Variants in OGDHL observed in about 807,000 individuals in gnomAD.
OGDHL encodes 2-oxoglutarate dehydrogenase-like, mitochondrial.
In OGDHL, 79 loss-of-function variants were observed where a neutral mutation model predicts 109.6. The ratio of observed to expected loss-of-function variants is 0.72; its 90% confidence interval spans 0.60 to 0.87. The LOEUF (loss-of-function observed/expected upper bound fraction) is 0.87, where lower values mean the gene tolerates loss of function less well. OGDHL is among the 40% of genes least tolerant of loss of function. OGDHL has a pLI of 0.00. For synonymous variants in OGDHL, 528 were observed against 537.2 expected (o/e 0.98, Z 0.24); for missense variants, 1,275 against 1,362.2 (o/e 0.94, Z 1.01).
intron 3 of OGDHL, among the ~76,000 whole-genome samples, chr10:49,753,229 G>A (rs572120442): frequency 6.6e-6 from 1 of 152,072 alleles, no homozygotes; most frequent in East Asian, 1.9e-4. Flanking sequence ...ATAAAAAGGA[G>A]ACACAAATAA....
chr10:49,746,965 A>C, intron 9 of OGDHL, 64 bp downstream of exon 9: 1 of 1,607,758 alleles, frequency 6.2e-7, no homozygotes, highest in Non-Finnish European at 8.5e-7. Flanking sequence ...CCCAGGGTCC[A>C]GCCCAGCCCT....
chr10:49,749,781 T>C lies in OGDHL; in HGVS notation c.932A>G (p.Lys311Arg). 1 of 1,601,300 alleles carries C rather than the reference T, an allele frequency of 6.2e-7. No individual in the cohort carries two copies. Among genetic ancestry groups the C allele is most frequent in the Non-Finnish European group, 8.5e-7 (1 of 1,177,146 alleles). Residue 311 changes from lysine to arginine, a missense_variant, in exon 8 of 23, where the codon AAG becomes AGG. Physicochemically the swap from Lys to Arg is conservative, Grantham distance 26 (BLOSUM62 2). Transcript: ENST00000374103. ...RLNVLANVIRKDLEQIFCQFD... is the reference protein window; with the variant it reads ...RLNVLANVIRRDLEQIFCQFD... ...CTGGCAGAAGATCTGCTCCAGGTCC[T>C]TGCGGATCACGTTGGCCAGCACGTT... is the stretch of plus-strand genomic sequence containing the variant.
chr10:49,760,640 G>A (rs1032746159), intron 1 of OGDHL, among the ~76,000 whole-genome samples: 1 of 152,234 alleles, frequency 6.6e-6, no homozygotes, highest in African/African-American at 2.4e-5. Context: ...CTGATTCTAG[G>A]ACAGATACTG....
At chr10:49,758,295 C>A (rs1588809738) in intron 2 of OGDHL, 94 bp downstream of exon 2, 8 of 1,265,690 alleles carry the variant, frequency 6.3e-6, no homozygotes, top group East Asian at 2.3e-5. Flanking sequence ...GATCACACAG[C>A]AGGCAAGCTG....
chr10:49,744,198 G>T, intron 13 of OGDHL, 76 bp from the exon 14 acceptor site: 1 of 1,557,568 alleles, frequency 6.4e-7, no homozygotes, highest in South Asian at 1.2e-5. Context: ...GCCTCCCCAG[G>T]ACTGAGTGGC....
At chr10:49,742,041 A>G (rs1351286658) in intron 15 of OGDHL, among the ~76,000 whole-genome samples, 2 of 108,712 alleles carry the variant, frequency 1.8e-5, no homozygotes, top group South Asian at 3.3e-4. Context: ...CACATACCAC[A>G]CATATCACAC....
chr10:49,743,786 GC>G, intron 14 of OGDHL: 1 of 514,800 alleles, frequency 1.9e-6, no homozygotes. Context: ...TGGGAGTGTG[GC>G]ATCTGGAGCT....
At chr10:49,743,851 G>A (rs1590711581) in intron 14 of OGDHL, 143 bp downstream of exon 14, 1 of 1,007,542 alleles carries the variant, frequency 9.9e-7, no homozygotes, top group African/African-American at 1.6e-5. Flanking sequence ...GCACAGACAT[G>A]GTGCCGAGAG....
chr10:49,746,116 T>C (rs1842166547), intron 10 of OGDHL, 139 bp from the exon 11 acceptor site: 1 of 933,876 alleles, frequency 1.1e-6, no homozygotes, highest in African/African-American at 1.7e-5. Flanking sequence ...AACAGGGTGA[T>C]GGTGAGCAGC....
In OGDHL at chr10:49,735,271, T is replaced by C. The variant is rs150772711; in HGVS notation, c.2990A>G (p.Asp997Gly). ...AAAGGCCTGGAGATTGAAGGCAGTA[T>C]CCAGAAACTTCTTCAGTGACACCAG... ...THLVSLKKFLDTAFNLQAFEG... is the reference protein window; with the variant it reads ...THLVSLKKFLGTAFNLQAFEG... The change falls in exon 23 of 23, where the codon GAT becomes GGT. Residue 997 changes from aspartate to glycine, a missense_variant. Coordinates refer to ENST00000374103, the MANE Select transcript of OGDHL (RefSeq NM_018245.3). The C allele has an allele frequency of 2.5e-6, 4 of 1,614,150 alleles. No homozygotes were observed. The highest frequency in any genetic ancestry group is 3.4e-6 in the Non-Finnish European group (4 of 1,179,998).
At chr10:49,738,673 A>C (rs1270366804) in intron 17 of OGDHL, 4 of 215,264 alleles carry the variant, frequency 1.9e-5, no homozygotes, top group Non-Finnish European at 3.8e-5. Flanking sequence ...ACAGATGAAG[A>C]GGCAAGGAGA....
Position 49,736,356 on chromosome 10 carries a change from C to T in OGDHL, c.2754+1G>A. The T allele has an allele frequency of 6.2e-7, 1 of 1,614,114 alleles. No individual in the cohort carries two copies. The highest frequency in any genetic ancestry group is 8.5e-7 in the Non-Finnish European group (1 of 1,179,998). ...TGACTGTACAAGGGGTTCAGGCACA[C>T]CTGCTCCAGGCGCGTGATGGCCACT... On this transcript the variant is annotated splice_donor_variant, in intron 21 of 22. Transcript: ENST00000374103. LOFTEE classifies it high-confidence loss of function.
At position 49,745,461 on chromosome 10, in the gene OGDHL, G is replaced by A. The variant is rs369510010; in HGVS notation, c.1512C>T (p.Asp504=). The change falls in exon 12 of 23, where the codon GAC becomes GAT. Residue 504 remains aspartate (D), a synonymous_variant. Coordinates refer to ENST00000374103, the MANE Select transcript of OGDHL (RefSeq NM_018245.3). ...TGAGCGGCTGGGTGAACATGGGCTC[G>A]TCCATCTCATTGTGGCCACGCCGGC... ...CYRRRGHNEM[D]EPMFTQPLMY... 5.6e-6 allele frequency: 9 copies of A among 1,614,090 alleles called. No homozygotes were observed. The highest frequency in any genetic ancestry group is 4.0e-5 in the African/African-American group (3 of 75,054).
intron 14 of OGDHL, 101 bp downstream of exon 14, chr10:49,743,893 T>G (rs891672850): frequency 7.0e-7 from 1 of 1,438,232 alleles, no homozygotes; most frequent in African/African-American, 1.4e-5. Context: ...TGAGCAGGAA[T>G]GCGACACACC....
In OGDHL at chr10:49,735,102, C is replaced by A; in HGVS notation, c.*126G>T. ...GCAGTGCTGGCTCTTGGCCCTGTCA[C>A]TGTGTCTGTTTTATCCTGGGGCCCC... On this transcript the variant is annotated 3_prime_UTR_variant, in exon 23 of 23. Coordinates refer to ENST00000374103, the MANE Select transcript of OGDHL (RefSeq NM_018245.3). 1 of 1,213,468 alleles carries A rather than the reference C, an allele frequency of 8.2e-7. No individual in the cohort carries two copies. Among genetic ancestry groups the A allele is most frequent in the Non-Finnish European group, 1.2e-6 (1 of 866,294 alleles). 75.2% of individuals were successfully genotyped at this position (1,213,468 alleles called of 1,614,324 possible).
At chr10:49,746,986 C>T (rs368880775) in intron 9 of OGDHL, 43 bp downstream of exon 9, 8 of 1,609,138 alleles carry the variant, frequency 5.0e-6, no homozygotes, top group Admixed American at 3.3e-5. Flanking sequence ...CTGGGCCCAC[C>T]CTGAAGGGCC....
intron 3 of OGDHL, among the ~76,000 whole-genome samples, chr10:49,756,134 C>T (rs1469548829): frequency 6.6e-6 from 1 of 152,212 alleles, no homozygotes; most frequent in African/African-American, 2.4e-5. Flanking sequence ...TTGCTGCTGC[C>T]TCACATTTCC....
chr10:49,742,175 CCA>C (rs745831494), intron 15 of OGDHL, among the ~76,000 whole-genome samples: 15 of 133,326 alleles, frequency 1.1e-4, no homozygotes, highest in South Asian at 2.5e-4. Context: ...CATACACGCC[CCA>C]CACACACTAT....
intron 8 of OGDHL, among the ~76,000 whole-genome samples, chr10:49,747,958 C>A (rs1351707930): frequency 1.3e-5 from 2 of 152,194 alleles, no homozygotes; most frequent in Non-Finnish European, 2.9e-5. Flanking sequence ...AAATGCATTA[C>A]AACAAAATCC....
Sources: gnomAD v4.1 joint callset for allele counts (sites outside exome capture counted in the v4.1 genomes callset) on GRCh38, gnomAD v4.1.1 for gene constraint, MANE v1.5 for transcripts, NCBI Gene and HGNC (gene_info 2026-07-23, HGNC 2026-07-21) for gene names.